RAB20: variants seen among roughly 807,000 people sequenced by gnomAD.
The protein encoded by RAB20 is ras-related protein Rab-20.
RAB20 carries 2 observed loss-of-function variants against 3.7 expected under a neutral mutation model. The ratio of observed to expected loss-of-function variants is 0.54; its 90% CI spans 0.22 to 1.69. The LOEUF (loss-of-function observed/expected upper bound fraction) is 1.69. Ranked by LOEUF, RAB20 falls within the 40% of genes most tolerant of loss-of-function variation. The pLI, the probability that RAB20 is intolerant of heterozygous loss-of-function variation, is 0.19. For missense variants in RAB20, 276 were observed against 311.9 expected (o/e 0.88, Z 0.87); for synonymous variants, 126 against 130.8 (o/e 0.96, Z 0.25).
In RAB20 at chr13:110,530,997, ACT is replaced by A. The variant is rs369998054; in HGVS notation, c.173-6802_173-6801del. Among the ~76,000 whole-genome samples, 606 of 152,368 alleles carry A rather than the reference ACT, an allele frequency of 4.0e-3. 6 individuals carry two copies. The highest frequency in any genetic ancestry group is 0.014 in the African/African-American group (582 of 41,600). ...ATTTATAGCAGGGAATGAGCTGTTA[ACT>A]TCCACGATCCCGTCCTGTATCAAGG... On this transcript the variant is annotated intron_variant, in intron 1 of 1. Transcript: ENST00000267328.
intron 1 of RAB20, among the ~76,000 whole-genome samples, chr13:110,525,018 G>A (rs957259596): frequency 2.0e-5 from 3 of 152,220 alleles, no homozygotes; most frequent in Admixed American, 6.5e-5. Flanking sequence ...ACAGCTCAAC[G>A]TCAACACATT....
At position 110,523,682 on chromosome 13, in the gene RAB20, A is replaced by G; in HGVS notation, c.688T>C (p.Ser230Pro). 1 of 1,613,920 alleles carries G rather than the reference A, an allele frequency of 6.2e-7. No homozygotes were observed. Among genetic ancestry groups the G allele is most frequent in the Non-Finnish European group, 8.5e-7 (1 of 1,179,858 alleles). The part of the protein sequence containing the change: ...SSHKPPKRTR[S>P]GCCA ...CTCGAAAGTCAGGCACAACACCCAG[A>G]TCTGGTCCTCTTGGGTGGCTTATGA... Residue 230 changes from serine (S) to proline (P), a missense_variant, in exon 2 of 2, where the codon TCT becomes CCT. Transcript: ENST00000267328.
intron 1 of RAB20, among the ~76,000 whole-genome samples, chr13:110,541,031 G>C (rs1310252104): frequency 6.6e-6 from 1 of 152,164 alleles, no homozygotes; most frequent in Non-Finnish European, 1.5e-5. Context: ...TGGGTCCTGG[G>C]TTCTGCTGCT....
intron 1 of RAB20, among the ~76,000 whole-genome samples, chr13:110,528,179 C>T (rs1354838859): frequency 6.6e-6 from 1 of 151,844 alleles, no homozygotes; most frequent in African/African-American, 2.4e-5. Context: ...CACTTTGGGA[C>T]GCCGGGGTGG....
intron 1 of RAB20, among the ~76,000 whole-genome samples, chr13:110,553,757 A>G (rs904084171): frequency 6.6e-6 from 1 of 152,194 alleles, no homozygotes; most frequent in Non-Finnish European, 1.5e-5. Flanking sequence ...GGCCTCAAAA[A>G]CCACTCAGAA....
At chr13:110,534,998 TA>T in intron 1 of RAB20, among the ~76,000 whole-genome samples, 1 of 124,278 alleles carries the variant, frequency 8.0e-6, no homozygotes, top group Admixed American at 8.0e-5. Context: ...CACGCCTGGC[TA>T]ATTTTTTAAT....
intron 1 of RAB20, among the ~76,000 whole-genome samples, chr13:110,551,596 G>A (rs1470588282): frequency 6.6e-6 from 1 of 152,192 alleles, no homozygotes; most frequent in East Asian, 1.9e-4. Flanking sequence ...GAACCTGCCT[G>A]GGCCAGCGTT....
intron 1 of RAB20, among the ~76,000 whole-genome samples, chr13:110,543,103 T>G (rs1168094783): frequency 6.6e-6 from 1 of 152,216 alleles, no homozygotes; most frequent in East Asian, 1.9e-4. Flanking sequence ...TTGAGAAATG[T>G]CTATTCAGTT....
chr13:110,551,935 TACAAAAA>T (rs1884960064), intron 1 of RAB20, among the ~76,000 whole-genome samples: 1 of 38,774 alleles, frequency 2.6e-5, no homozygotes, highest in South Asian at 1.5e-3. Context: ...AAAAAAAAAA[TACAAAAA>T]TTAGCTGGGT....
At chr13:110,538,076 C>T (rs1037545610) in intron 1 of RAB20, among the ~76,000 whole-genome samples, 2 of 151,872 alleles carry the variant, frequency 1.3e-5, no homozygotes, top group Non-Finnish European at 2.9e-5. Flanking sequence ...CACATCTCTA[C>T]AGAAAATACA....
chr13:110,557,798 C>T (rs1422032070), intron 1 of RAB20, among the ~76,000 whole-genome samples: 1 of 95,830 alleles, frequency 1.0e-5, no homozygotes, highest in African/African-American at 3.3e-5. Flanking sequence ...TGCCCCTGCT[C>T]CCCCCGCCTC....
chr13:110,547,281 G>A (rs538186362), intron 1 of RAB20, among the ~76,000 whole-genome samples: 1 of 152,346 alleles, frequency 6.6e-6, no homozygotes, highest in Non-Finnish European at 1.5e-5. Context: ...ATGAGAAAGC[G>A]CAGCTCAGAC....
intron 1 of RAB20, among the ~76,000 whole-genome samples, chr13:110,546,319 T>C (rs1884848686): frequency 6.6e-6 from 1 of 152,242 alleles, no homozygotes; most frequent in African/African-American, 2.4e-5. Context: ...GACAGGATCA[T>C]ATCTTCATTT....
At chr13:110,554,820 T>C (rs1469636205) in intron 1 of RAB20, among the ~76,000 whole-genome samples, 3 of 152,178 alleles carry the variant, frequency 2.0e-5, no homozygotes, top group East Asian at 3.8e-4. Context: ...CTGGAGAACC[T>C]GAGATCCTAA....
rs147588445 is a variant in RAB20, at chr13:110,556,795, A to T, written c.172+4553T>A. Among the ~76,000 whole-genome samples, 885 of 152,296 alleles carry T rather than the reference A, an allele frequency of 5.8e-3. 20 individuals are homozygous for T. Among genetic ancestry groups the T allele is most frequent in the African/African-American group, 0.02 (851 of 41,570 alleles). ...GATCCTTTCACTTCAGCCTCCTAAA[A>T]TGCTGGGATTACAGGCAGGAGCTAC... On this transcript the variant is annotated intron_variant, in intron 1 of 1. Transcript: ENST00000267328.
chr13:110,539,645 C>T (rs867901503), intron 1 of RAB20, among the ~76,000 whole-genome samples: 7 of 151,472 alleles, frequency 4.6e-5, no homozygotes, highest in African/African-American at 1.2e-4. Flanking sequence ...CTGCAACCTC[C>T]GCTTCCCGGG....
At chr13:110,548,766 A>G (rs1404772026) in intron 1 of RAB20, among the ~76,000 whole-genome samples, 1 of 152,084 alleles carries the variant, frequency 6.6e-6, no homozygotes, top group Non-Finnish European at 1.5e-5. Context: ...CCTGGAGTGC[A>G]ACCTGTGGCA....
rs1484621091 is a variant in RAB20, at chr13:110,555,581, C to G, written c.172+5767G>C. On this transcript the variant is annotated intron_variant, in intron 1 of 1. Transcript: ENST00000267328. This position sits in a 1 kb window ranked among gnomAD's most constrained non-coding sequence, Gnocchi z 4.0. ...GGTCTGCAAGGCTCATGCCAAAGCT[C>G]AGACTTCTAGTTGAGACAGACAGAG... Among the ~76,000 whole-genome samples the G allele has an allele frequency of 6.6e-6, 1 of 152,220 alleles. No homozygotes were observed. The highest frequency in any genetic ancestry group is 6.5e-5 in the Admixed American group (1 of 15,284).
chr13:110,523,530 T>A lies in RAB20; in HGVS notation c.*135A>T. The A allele has an allele frequency of 6.9e-7, 1 of 1,443,242 alleles. No individual in the cohort carries two copies. The highest frequency in any genetic ancestry group is 9.2e-7 in the Non-Finnish European group (1 of 1,092,620). The allele number at this position is 1,443,242 out of a possible 1,614,324, so 89.4% of individuals were successfully genotyped here. The stretch of plus-strand genomic sequence containing the variant: ...CTCCTCTTCATAGCCAGCCATCATT[T>A]CCACTCCAACATTCTGCTGCGGGTG... On this transcript the variant is annotated 3_prime_UTR_variant, in exon 2 of 2. Transcript: ENST00000267328.
Sources: allele counts gnomAD v4.1 joint callset (sites outside exome capture counted in the v4.1 genomes callset), GRCh38; gene constraint gnomAD v4.1.1; non-coding constraint Gnocchi (gnomAD v3.1); transcripts MANE v1.5; gene names NCBI Gene and HGNC (gene_info 2026-07-23, HGNC 2026-07-21).